The following PTPRD variants were observed in gnomAD, a reference collection of about 807,000 sequenced individuals.
PTPRD encodes the protein protein tyrosine phosphatase receptor type D, also known as receptor-type tyrosine-protein phosphatase delta.
In PTPRD, 34 loss-of-function variants were observed where a neutral mutation model predicts 214.5. The ratio of observed to expected loss-of-function variants is 0.16; its 90% CI spans 0.12 to 0.21. The LOEUF (loss-of-function observed/expected upper bound fraction) is 0.21, where lower values mean the gene tolerates loss of function less well. PTPRD is among the 10% of genes least tolerant of loss of function. The pLI, the probability that PTPRD is intolerant of heterozygous loss-of-function variation, is 1.00. For missense variants in PTPRD, 2,545 were observed against 2,398.7 expected (o/e 1.06, Z -1.27); for synonymous variants, 1,128 against 845.7 (o/e 1.33, Z -5.79).
intron 14 of PTPRD, among the ~76,000 whole-genome samples, chr9:8,588,182 G>A (rs532983465): frequency 3.9e-5 from 6 of 152,290 alleles, no homozygotes; most frequent in African/African-American, 1.4e-4. Context: ...TTCATTCTGT[G>A]TTTTTATTTT....
intron 7 of PTPRD, among the ~76,000 whole-genome samples, chr9:9,648,250 G>A (rs772651516): frequency 1.3e-5 from 2 of 151,494 alleles, no homozygotes; most frequent in Admixed American, 6.6e-5. Context: ...TGTATATTTA[G>A]AGCCAAAAAA....
At chr9:8,724,804 G>A (rs1260507724) in intron 12 of PTPRD, among the ~76,000 whole-genome samples, 4 of 151,956 alleles carry the variant, frequency 2.6e-5, no homozygotes, top group East Asian at 1.9e-4. Flanking sequence ...CGGACGTGAC[G>A]GCACGTGCCA....
intron 14 of PTPRD, among the ~76,000 whole-genome samples, chr9:8,576,148 T>C (rs142963256): frequency 1.3e-5 from 2 of 152,324 alleles, no homozygotes; most frequent in East Asian, 3.9e-4. Flanking sequence ...TGAAGGCTTT[T>C]TTTTCCTTTT....
chr9:10,179,664 A>C (rs115448848), intron 3 of PTPRD, among the ~76,000 whole-genome samples: 1 of 152,024 alleles, frequency 6.6e-6, no homozygotes, highest in South Asian at 2.1e-4. Flanking sequence ...TGTGTTACCT[A>C]TATTCACCCA....
chr9:10,035,550 G>GT (rs1300476267), intron 3 of PTPRD, among the ~76,000 whole-genome samples: 1 of 152,030 alleles, frequency 6.6e-6, no homozygotes, highest in Non-Finnish European at 1.5e-5. Context: ...ATCTTCCAGG[G>GT]TTTTTTATAG....
At chr9:9,446,288 GAGGATTTA>G (rs886879330) in intron 8 of PTPRD, among the ~76,000 whole-genome samples, 1 of 152,114 alleles carries the variant, frequency 6.6e-6, no homozygotes, top group African/African-American at 2.4e-5. Flanking sequence ...CCCAAGTGTT[GAGGATTTA>G]ATAGTGGCCT....
intron 2 of PTPRD, among the ~76,000 whole-genome samples, chr9:10,509,186 G>C (rs999129329): frequency 2.6e-5 from 4 of 151,956 alleles, no homozygotes; most frequent in African/African-American, 4.8e-5. Flanking sequence ...GGAGGAATTT[G>C]CCTGCAACTC....
intron 3 of PTPRD, among the ~76,000 whole-genome samples, chr9:10,281,163 TGAAAA>T (rs987252829): frequency 3.3e-4 from 50 of 151,996 alleles, no homozygotes; most frequent in African/African-American, 1.1e-3. Context: ...AAATAACAAA[TGAAAA>T]GAAACATCTG....
At position 9,024,201 on chromosome 9, in the gene PTPRD, C is replaced by T. The variant is rs142043577; in HGVS notation, c.-142-5466G>A. Reference sequence around the variant, plus strand: ...AGTGCTATGTTCTCTTTTTTACTTACTCTTCCATGAGTATTTTTAAATAAT... The same window carrying T: ...AGTGCTATGTTCTCTTTTTTACTTATTCTTCCATGAGTATTTTTAAATAAT... On this transcript the variant is annotated intron_variant, in intron 10 of 45. Transcript: ENST00000381196. Among the ~76,000 whole-genome samples the T allele has an allele frequency of 8.5e-3, 1,296 of 151,810 alleles. 12 individuals carry two copies. The highest frequency in any genetic ancestry group is 0.012 in the Non-Finnish European group (842 of 67,914).
chr9:10,479,554 C>G (rs1258482977), intron 2 of PTPRD, among the ~76,000 whole-genome samples: 1 of 151,812 alleles, frequency 6.6e-6, no homozygotes, highest in African/African-American at 2.4e-5. Flanking sequence ...TTCCAGTAAT[C>G]AAGTGACAAC....
chr9:8,623,180 G>T (rs1428076706), intron 14 of PTPRD, among the ~76,000 whole-genome samples: 1 of 151,728 alleles, frequency 6.6e-6, no homozygotes, highest in African/African-American at 2.4e-5. Context: ...AATGTTTATG[G>T]AAAATGTCAG....
chr9:10,494,695 T>A (rs931940092), intron 2 of PTPRD, among the ~76,000 whole-genome samples: 1 of 151,084 alleles, frequency 6.6e-6, no homozygotes, highest in East Asian at 1.9e-4. Context: ...AATTTTCTAT[T>A]ACGGTATAAA....
chr9:9,796,170 G>A (rs569354191), intron 5 of PTPRD, among the ~76,000 whole-genome samples: 1 of 152,106 alleles, frequency 6.6e-6, no homozygotes, highest in South Asian at 2.1e-4. Context: ...ACTAAGTTTT[G>A]TTTCTGAAAC....
At chr9:10,080,374 A>G (rs959594787) in intron 3 of PTPRD, among the ~76,000 whole-genome samples, 1 of 152,140 alleles carries the variant, frequency 6.6e-6, no homozygotes, top group Admixed American at 6.6e-5. Flanking sequence ...CACTGTATGC[A>G]GAGTACATGT....
chr9:9,764,731 G>A (rs71497154), intron 6 of PTPRD, among the ~76,000 whole-genome samples: 1 of 152,034 alleles, frequency 6.6e-6, no homozygotes, highest in Non-Finnish European at 1.5e-5. Flanking sequence ...TTATATCTTA[G>A]GTAGCTTCTC....
intron 14 of PTPRD, among the ~76,000 whole-genome samples, chr9:8,539,461 C>A (rs2077796344): frequency 6.6e-6 from 1 of 151,580 alleles, no homozygotes. Context: ...CCATTAAAGA[C>A]AAATAATTTT....
chr9:8,999,478 T>C (rs771142788), intron 11 of PTPRD, among the ~76,000 whole-genome samples: 1 of 152,098 alleles, frequency 6.6e-6, no homozygotes, highest in Non-Finnish European at 1.5e-5. Context: ...CATTGTTTTT[T>C]AAGACAATGC....
At chr9:8,651,279 A>G (rs1290169305) in intron 12 of PTPRD, among the ~76,000 whole-genome samples, 3 of 152,132 alleles carry the variant, frequency 2.0e-5, no homozygotes, top group African/African-American at 7.2e-5. Flanking sequence ...CTCCTGAGTG[A>G]GCTATTTGGG....
intron 11 of PTPRD, among the ~76,000 whole-genome samples, chr9:8,854,325 A>G (rs769089778): frequency 2.0e-5 from 3 of 152,202 alleles, no homozygotes; most frequent in Non-Finnish European, 2.9e-5. Context: ...GTTTTAAAAT[A>G]AAAGGTAAAC....
Sources: gnomAD v4.1 joint callset for allele counts (sites outside exome capture counted in the v4.1 genomes callset) on GRCh38, gnomAD v4.1.1 for gene constraint, MANE v1.5 for transcripts, NCBI Gene and HGNC (gene_info 2026-07-23, HGNC 2026-07-21) for gene names.